WDFY3: variants seen among roughly 807,000 people sequenced by gnomAD.
WDFY3 encodes WD repeat and FYVE domain-containing protein 3.
In WDFY3, 66 loss-of-function variants were observed where a neutral mutation model predicts 409.6. That is an observed-to-expected ratio of 0.16 (90% confidence interval 0.13 to 0.20). WDFY3 has a LOEUF of 0.20. Ranked by LOEUF, WDFY3 falls within the 10% of genes least tolerant of loss-of-function variation. The pLI is 1.00. For synonymous variants in WDFY3, 1,521 were observed against 1,537.1 expected (o/e 0.99, Z 0.25); for missense variants, 3,031 against 4,298.1 (o/e 0.71, Z 8.24).
intron 36 of WDFY3, among the ~76,000 whole-genome samples, chr4:84,746,035 C>CCTATACTCCT (rs1739377827): frequency 6.6e-6 from 1 of 150,596 alleles, no homozygotes; most frequent in South Asian, 2.1e-4. Flanking sequence ...TGGTTGGGCA[C>CCTATACTCCT]GGTGGCTCAT....
rs554504131 is a variant in WDFY3, at chr4:84,706,585, A to G, written c.8218-1074T>C. ...AAAAACCCAACATAGGTACCATGTTATACAGCTATAGGGCAGTGTGGGAAT... is the reference window on the plus strand; with the variant it reads ...AAAAACCCAACATAGGTACCATGTTGTACAGCTATAGGGCAGTGTGGGAAT... On this transcript the variant is annotated intron_variant, in intron 53 of 67. Coordinates refer to ENST00000295888, the MANE Select transcript of WDFY3 (RefSeq NM_014991.6). Among the ~76,000 whole-genome samples, 3 of 151,280 alleles carry G rather than the reference A, an allele frequency of 2.0e-5. No homozygotes were observed. In the South Asian group the frequency reaches 6.3e-4, roughly 32 times the overall value.
At chr4:84,759,615 T>C (rs538966659) in intron 32 of WDFY3, among the ~76,000 whole-genome samples, 116 of 149,876 alleles carry the variant, frequency 7.7e-4, no homozygotes, top group Admixed American at 3.4e-3. Context: ...TGTCTGTTAT[T>C]GGTGTATAAG....
intron 1 of WDFY3, among the ~76,000 whole-genome samples, chr4:84,946,426 G>T (rs1772834647): frequency 6.6e-6 from 1 of 152,166 alleles, no homozygotes; most frequent in African/African-American, 2.4e-5. Flanking sequence ...TATCAAGAAA[G>T]AATCACAATG....
intron 2 of WDFY3, among the ~76,000 whole-genome samples, chr4:84,904,458 TAGTC>T (rs1471157758): frequency 6.6e-6 from 1 of 152,184 alleles, no homozygotes; most frequent in Admixed American, 6.6e-5. Context: ...AGGGCTCTGT[TAGTC>T]ATTCATTCAA....
chr4:84,904,502 C>T (rs1040739561), intron 2 of WDFY3, among the ~76,000 whole-genome samples: 1 of 152,156 alleles, frequency 6.6e-6, no homozygotes, highest in African/African-American at 2.4e-5. Context: ...AGATGTAATA[C>T]TTTCTCATCT....
At chr4:84,780,409 C>A in intron 25 of WDFY3, 111 bp from the exon 26 acceptor site, 1 of 1,130,308 alleles carries the variant, frequency 8.8e-7, no homozygotes, top group Non-Finnish European at 1.2e-6. Context: ...TTAAAAATAT[C>A]TTCTGTCTAT....
chr4:84,770,260 C>T (rs910617166), intron 30 of WDFY3, among the ~76,000 whole-genome samples: 1 of 152,050 alleles, frequency 6.6e-6, no homozygotes, highest in Non-Finnish European at 1.5e-5. Flanking sequence ...GAACTCCTGA[C>T]CTCATGATCC....
chr4:84,893,608 A>G (rs1224410610), intron 3 of WDFY3, among the ~76,000 whole-genome samples: 1 of 152,210 alleles, frequency 6.6e-6, no homozygotes, highest in Non-Finnish European at 1.5e-5. Flanking sequence ...CTCAATCTCT[A>G]CATTTTTTAT....
chr4:84,928,882 A>G (rs532912764), intron 2 of WDFY3, among the ~76,000 whole-genome samples: 19 of 152,274 alleles, frequency 1.2e-4, no homozygotes, highest in African/African-American at 4.6e-4. Context: ...ACCAAAACAT[A>G]TCTCATTTTA....
chr4:84,679,305 C>T (rs1578104784), intron 64 of WDFY3, 63 bp from the exon 65 acceptor site: 2 of 1,412,170 alleles, frequency 1.4e-6, no homozygotes, highest in East Asian at 2.5e-5. Flanking sequence ...CAGCTTTGTT[C>T]TGCTAGTATT....
chr4:84,794,564 G>T lies in WDFY3; in HGVS notation c.3442C>A (p.Arg1148=), dbSNP rs750692650. Residue 1148 remains arginine (R), a synonymous_variant, in exon 21 of 68, where the codon CGA becomes AGA. Coordinates refer to ENST00000295888, the MANE Select transcript of WDFY3 (RefSeq NM_014991.6). The part of the protein sequence containing the change: ...CLAIVLSAKD[R]SLIVSTKEEL... Reference sequence around the variant, plus strand: ...TCTTTGGTGGAAACAATCAGAGATCGGTCTTTTGCTGATAGAACTATTGCA... The same window carrying T: ...TCTTTGGTGGAAACAATCAGAGATCTGTCTTTTGCTGATAGAACTATTGCA... 2 of 1,613,826 alleles carry T rather than the reference G, an allele frequency of 1.2e-6. No individual in the cohort carries two copies. Among genetic ancestry groups the T allele is most frequent in the African/African-American group, 2.7e-5 (2 of 74,856 alleles).
At chr4:84,698,290 AT>A (rs775367132) in intron 56 of WDFY3, among the ~76,000 whole-genome samples, 11,223 of 145,646 alleles carry the variant, frequency 0.077, 507 homozygotes, top group Admixed American at 0.14. Flanking sequence ...ATATATATAT[AT>A]TTTTTTTTTT....
At chr4:84,940,128 C>T (rs985154152) in intron 1 of WDFY3, among the ~76,000 whole-genome samples, 1 of 152,058 alleles carries the variant, frequency 6.6e-6, no homozygotes, top group African/African-American at 2.4e-5. Context: ...ACTCCAACAA[C>T]CTCAAAACAT....
intron 39 of WDFY3, chr4:84,739,474 G>T: frequency 4.9e-6 from 1 of 205,110 alleles, no homozygotes; most frequent in Non-Finnish European, 1.0e-5. Flanking sequence ...TCACTACTCT[G>T]CTCCTGTAGT....
At chr4:84,729,493 AATT>A (rs1357765619) in intron 44 of WDFY3, among the ~76,000 whole-genome samples, 8 of 151,902 alleles carry the variant, frequency 5.3e-5, no homozygotes, top group South Asian at 2.1e-4. Flanking sequence ...CGATATTAAT[AATT>A]ATTACTATTT....
intron 13 of WDFY3, among the ~76,000 whole-genome samples, 182 bp downstream of exon 13, chr4:84,817,210 T>C (rs1753426070): frequency 6.6e-6 from 1 of 152,102 alleles, no homozygotes. Flanking sequence ...AGAAGTAAAA[T>C]ATATACTGAA....
chr4:84,820,147 T>C lies in WDFY3; in HGVS notation c.1631A>G (p.His544Arg). 6.2e-7 allele frequency: 1 copy of C among 1,609,290 alleles called. No homozygotes were observed. The highest frequency in any genetic ancestry group is 8.5e-7 in the Non-Finnish European group (1 of 1,177,092). ...GGTCTCCATAACCAATAAAGCCAGGTGTTTTTGGTCTTCAACTGAACTATT... is the reference window on the plus strand; with the variant it reads ...GGTCTCCATAACCAATAAAGCCAGGCGTTTTTGGTCTTCAACTGAACTATT... ...RNNSSVEDQK[H>R]LALLVMETLT... The change falls in exon 12 of 68, where the codon CAC becomes CGC. Residue 544 changes from histidine (H) to arginine (R), a missense_variant. His to Arg is a conservative substitution (Grantham distance 29). Around this residue, in one of 16 missense-constraint regions of WDFY3, gnomAD observed 1,322 missense variants for 1,697.9 expected, o/e 0.78. Transcript: ENST00000295888.
At chr4:84,677,943 C>T (rs1027880590) in intron 66 of WDFY3, among the ~76,000 whole-genome samples, 8 of 65,908 alleles carry the variant, frequency 1.2e-4, no homozygotes, top group Non-Finnish European at 2.1e-4. Flanking sequence ...GCCTAAGTGA[C>T]AGAACAAGAC....
At chr4:84,958,216 G>A (rs1422951831) in intron 1 of WDFY3, among the ~76,000 whole-genome samples, 1 of 152,168 alleles carries the variant, frequency 6.6e-6, no homozygotes. Context: ...CATTTACCAA[G>A]TATTTACTGA....
Sources: allele counts gnomAD v4.1 joint callset (sites outside exome capture counted in the v4.1 genomes callset), GRCh38; gene constraint gnomAD v4.1.1; regional missense constraint gnomAD v4.1.1; transcripts MANE v1.5; gene names NCBI Gene and HGNC (gene_info 2026-07-23, HGNC 2026-07-21).